GMPS: variants seen among roughly 807,000 people sequenced by gnomAD.
GMPS encodes the protein GMP synthase [glutamine-hydrolyzing].
GMPS carries 15 observed loss-of-function variants against 77.9 expected under a neutral mutation model. The observed-to-expected ratio is 0.19, with a 90% confidence interval of 0.13 to 0.30. The LOEUF (loss-of-function observed/expected upper bound fraction) is 0.30, where lower values mean the gene tolerates loss of function less well. GMPS is among the 10% of genes least tolerant of loss of function. The pLI is 1.00. For missense variants in GMPS, 590 were observed against 838.8 expected (o/e 0.70, Z 3.66); for synonymous variants, 224 against 275.9 (o/e 0.81, Z 1.86).
At position 155,939,264 on chromosome 3, in the gene GMPS, A is replaced by G. The variant is rs1236815628; in HGVS notation, c.*1572A>G. ...AGGCTATGTTAGTGATCTGGTCTTT[A>G]CAGATTTAGAGTCATGTTATTTGAA... On this transcript the variant is annotated 3_prime_UTR_variant, in exon 16 of 16. Transcript: ENST00000496455. 1 of 218,414 alleles carries G rather than the reference A, an allele frequency of 4.6e-6. No homozygotes were observed. The highest frequency in any genetic ancestry group is 9.2e-6 in the Non-Finnish European group (1 of 108,744). 13.5% of individuals were successfully genotyped at this position (218,414 alleles called of 1,614,324 possible).
rs58367815 is a variant in GMPS, at chr3:155,886,611, CTTTTTTTTTTT to C, written c.28-6890_28-6880del. On this transcript the variant is annotated intron_variant, in intron 1 of 15. Transcript: ENST00000496455. ...AATCTAGCATGTCTATTCCTGATGA[CTTTTTTTTTTT>C]TTTTTTTTTTTTTTTTGACACAGAG... is the stretch of plus-strand genomic sequence containing the variant. Among the ~76,000 whole-genome samples, 43 of 78,054 alleles carry C rather than the reference CTTTTTTTTTTT, an allele frequency of 5.5e-4. No homozygotes were observed. In the East Asian group the frequency reaches 9.2e-3, roughly 17 times the overall value. The allele number at this position is 78,054 out of a possible 152,430, so 51.2% of individuals were successfully genotyped here.
chr3:155,897,345 T>C (rs1436789597), intron 2 of GMPS, among the ~76,000 whole-genome samples: 2 of 152,182 alleles, frequency 1.3e-5, no homozygotes, highest in Non-Finnish European at 2.9e-5. Flanking sequence ...TGACCTGATT[T>C]CTGAGAGCAG....
chr3:155,904,038 G>T, intron 4 of GMPS, 78 bp downstream of exon 4: 2 of 631,842 alleles, frequency 3.2e-6, no homozygotes, highest in Admixed American at 6.7e-5. Flanking sequence ...AACAATTGGA[G>T]ATTCTATAAT....
chr3:155,915,170 T>G (rs2108111018), intron 8 of GMPS, among the ~76,000 whole-genome samples: 1 of 152,278 alleles, frequency 6.6e-6, no homozygotes, highest in African/African-American at 2.4e-5. Flanking sequence ...TCATAGACTT[T>G]AATTCATTGA....
chr3:155,879,963 T>G (rs952566570), intron 1 of GMPS, among the ~76,000 whole-genome samples: 2 of 151,840 alleles, frequency 1.3e-5, no homozygotes, highest in Non-Finnish European at 2.9e-5. Flanking sequence ...TTTTTTTTTT[T>G]TAAGTCTAGA....
intron 1 of GMPS, among the ~76,000 whole-genome samples, chr3:155,888,262 G>T (rs1312853822): frequency 6.8e-6 from 1 of 148,066 alleles, no homozygotes; most frequent in East Asian, 2.0e-4. Context: ...TTTAGGGTTG[G>T]TCGTTCTGAG....
chr3:155,889,667 A>G (rs1242624449), intron 1 of GMPS, among the ~76,000 whole-genome samples: 1 of 152,232 alleles, frequency 6.6e-6, no homozygotes, highest in East Asian at 1.9e-4. Context: ...CAAGAAAATC[A>G]CAAAACATTT....
At chr3:155,886,610 A>ATTTTTTT (rs1577503460) in intron 1 of GMPS, among the ~76,000 whole-genome samples, 2 of 100,450 alleles carry the variant, frequency 2.0e-5, no homozygotes, top group African/African-American at 3.8e-5. Flanking sequence ...ATTCCTGATG[A>ATTTTTTT]CTTTTTTTTT....
chr3:155,900,148 T>C (rs747754600), intron 3 of GMPS, among the ~76,000 whole-genome samples: 39 of 152,292 alleles, frequency 2.6e-4, no homozygotes, highest in South Asian at 6.2e-4. Context: ...AATTACTAAG[T>C]TGTTAAGAGT....
Position 155,925,227 on chromosome 3 carries a change from T to G in GMPS, c.1435-14T>G. ...TTCTTAAAACTGAAAAAATGCCTCT[T>G]TGGTTTTTCTCAGCCACATACCCTA... On this transcript the variant is annotated splice_polypyrimidine_tract_variant and intron_variant, in intron 11 of 15. Coordinates refer to ENST00000496455, the MANE Select transcript of GMPS (RefSeq NM_003875.3). 1 of 1,598,538 alleles carries G rather than the reference T, an allele frequency of 6.3e-7. No individual in the cohort carries two copies. The highest frequency in any genetic ancestry group is 8.5e-7 in the Non-Finnish European group (1 of 1,174,572).
At chr3:155,935,220 G>T (rs1755733432) in intron 14 of GMPS, among the ~76,000 whole-genome samples, 174 bp downstream of exon 14, 1 of 152,112 alleles carries the variant, frequency 6.6e-6, no homozygotes, top group African/African-American at 2.4e-5. Context: ...GTCTTGCTCT[G>T]TCGCCCAGGC....
intron 11 of GMPS, 54 bp from the exon 12 acceptor site, chr3:155,925,185 AAG>A (rs1755420802): frequency 6.7e-7 from 1 of 1,499,900 alleles, no homozygotes. Flanking sequence ...TAGATAATAA[AAG>A]AGTGAATACC....
intron 1 of GMPS, among the ~76,000 whole-genome samples, chr3:155,875,449 T>C (rs1189402055): frequency 6.6e-6 from 1 of 152,244 alleles, no homozygotes; most frequent in African/African-American, 2.4e-5. Context: ...CAGGCTGGTC[T>C]CGAACTCCTG....
At chr3:155,906,049 T>G in intron 4 of GMPS, 111 bp from the exon 5 acceptor site, 1 of 554,864 alleles carries the variant, frequency 1.8e-6, no homozygotes, top group East Asian at 2.9e-5. Flanking sequence ...TCACTTTTTT[T>G]TTTTCTGTTT....
chr3:155,914,577 T>C lies in GMPS; in HGVS notation c.1038+7T>C. 6.5e-7 allele frequency: 1 copy of C among 1,540,762 alleles called. No homozygotes were observed. Among genetic ancestry groups the C allele is most frequent in the Non-Finnish European group, 8.8e-7 (1 of 1,137,234 alleles). Reference sequence around the variant, plus strand: ...TGGGGATACTTTTGTTAAGGTACCTTTGTTTTTAATATCCTCAACATGTAC... The same window carrying C: ...TGGGGATACTTTTGTTAAGGTACCTCTGTTTTTAATATCCTCAACATGTAC... On this transcript the variant is annotated splice_region_variant and intron_variant, in intron 8 of 15. Transcript: ENST00000496455.
At chr3:155,876,464 A>G (rs547140731) in intron 1 of GMPS, among the ~76,000 whole-genome samples, 2 of 152,376 alleles carry the variant, frequency 1.3e-5, no homozygotes, top group African/African-American at 4.8e-5. Context: ...CAACCCACAC[A>G]ACACTAGACA....
chr3:155,884,840 A>T (rs1405945566), intron 1 of GMPS, among the ~76,000 whole-genome samples: 1 of 152,166 alleles, frequency 6.6e-6, no homozygotes. Flanking sequence ...AACTAAGTTG[A>T]AGCTAAATTG....
intron 5 of GMPS, among the ~76,000 whole-genome samples, chr3:155,907,823 G>T (rs188968705): frequency 1.3e-5 from 2 of 152,258 alleles, no homozygotes; most frequent in Admixed American, 6.5e-5. Flanking sequence ...GAAAATAAGT[G>T]CTAACCTTTT....
chr3:155,899,507 C>T (rs1370326401), intron 3 of GMPS, among the ~76,000 whole-genome samples: 2 of 149,056 alleles, frequency 1.3e-5, no homozygotes, highest in African/African-American at 5.0e-5. Context: ...ATAGAAATAT[C>T]TTATATACCT....
Sources: gnomAD v4.1 joint callset for allele counts (sites outside exome capture counted in the v4.1 genomes callset) on GRCh38, gnomAD v4.1.1 for gene constraint, MANE v1.5 for transcripts, NCBI Gene and HGNC (gene_info 2026-07-23, HGNC 2026-07-21) for gene names.